The following PTPRG variants were observed in gnomAD, a reference collection of about 807,000 sequenced individuals.
PTPRG encodes the protein receptor-type tyrosine-protein phosphatase gamma.
In PTPRG, 102 loss-of-function variants were observed where a neutral mutation model predicts 165.3. The observed-to-expected ratio is 0.62, with a 90% CI of 0.53 to 0.73. The LOEUF (loss-of-function observed/expected upper bound fraction) is 0.73. PTPRG is among the 30% of genes least tolerant of loss of function. The probability of loss-of-function intolerance (pLI) is 0.00; values close to 1 mark genes in which losing one functional copy is unlikely to be tolerated. For missense variants in PTPRG, 1,866 were observed against 1,861.4 expected, an observed-to-expected ratio of 1.00 and a Z score of -0.05; for synonymous variants, 675 against 669.5, an observed-to-expected ratio of 1.01 and a Z score of -0.13.
chr3:61,981,028 A>G (rs1294626359), intron 2 of PTPRG, among the ~76,000 whole-genome samples: 3 of 152,230 alleles, frequency 2.0e-5, no homozygotes, highest in Admixed American at 2.0e-4. Context: ...GGTAATTTAT[A>G]AAGAAAAGAG....
At chr3:61,689,391 A>G (rs1340093873) in intron 1 of PTPRG, among the ~76,000 whole-genome samples, 2 of 152,218 alleles carry the variant, frequency 1.3e-5, no homozygotes, top group African/African-American at 4.8e-5. Context: ...CTGGATGCAT[A>G]TTTATGATTG....
chr3:62,102,715 A>G (rs887039380), intron 5 of PTPRG, among the ~76,000 whole-genome samples: 1 of 152,154 alleles, frequency 6.6e-6, no homozygotes, highest in Non-Finnish European at 1.5e-5. Context: ...TGACCCCTGG[A>G]GAGGTCTGAG....
intron 2 of PTPRG, among the ~76,000 whole-genome samples, chr3:61,924,618 C>G (rs1447328980): frequency 6.6e-6 from 1 of 152,138 alleles, no homozygotes; most frequent in Non-Finnish European, 1.5e-5. Flanking sequence ...ATTGCTCCTG[C>G]TGAAAATACT....
intron 7 of PTPRG, among the ~76,000 whole-genome samples, chr3:62,163,595 G>A (rs930489642): frequency 6.6e-6 from 1 of 152,164 alleles, no homozygotes; most frequent in African/African-American, 2.4e-5. Flanking sequence ...AATATAAGGG[G>A]GATAAGGAAG....
chr3:61,786,639 T>C (rs2034713215), intron 2 of PTPRG, among the ~76,000 whole-genome samples: 1 of 152,156 alleles, frequency 6.6e-6, no homozygotes, highest in Non-Finnish European at 1.5e-5. Flanking sequence ...GGCAGGAGTA[T>C]TATTTTTGGA....
intron 1 of PTPRG, among the ~76,000 whole-genome samples, chr3:61,573,266 G>A (rs771237750): frequency 2.6e-5 from 4 of 152,242 alleles, no homozygotes; most frequent in Admixed American, 6.5e-5. Context: ...GGGGACAAGG[G>A]GGGGAAAGCC....
chr3:61,738,279 CATATAT>C (rs1169177844), intron 1 of PTPRG, among the ~76,000 whole-genome samples: 10 of 15,498 alleles, frequency 6.5e-4, no homozygotes, highest in South Asian at 5.9e-3. Context: ...TATATATATA[CATATAT>C]ATATATATAT....
chr3:61,734,564 A>G (rs2032644986), intron 1 of PTPRG, among the ~76,000 whole-genome samples: 1 of 152,156 alleles, frequency 6.6e-6, no homozygotes, highest in African/African-American at 2.4e-5. Flanking sequence ...CGGTTGTCCC[A>G]ATTTGTTCCA....
At chr3:61,846,314 A>G (rs748815333) in intron 2 of PTPRG, among the ~76,000 whole-genome samples, 5 of 152,180 alleles carry the variant, frequency 3.3e-5, no homozygotes, top group Non-Finnish European at 7.4e-5. Context: ...TTGTCTTCCT[A>G]TAAGAAGCAG....
At chr3:62,132,517 C>A in intron 5 of PTPRG, 85 bp from the exon 6 acceptor site, 1 of 1,067,284 alleles carries the variant, frequency 9.4e-7, no homozygotes, top group Non-Finnish European at 1.5e-6. Flanking sequence ...ATTCTATTCT[C>A]CCCCTTCTCT....
At chr3:61,728,874 C>CA (rs3032404) in intron 1 of PTPRG, among the ~76,000 whole-genome samples, 2,362 of 102,880 alleles carry the variant, frequency 0.023, 29 homozygotes, top group African/African-American at 0.052. Context: ...TAATCTGTAC[C>CA]AAAAAAAAAA....
chr3:62,215,290 G>T (rs900359149), intron 12 of PTPRG, among the ~76,000 whole-genome samples: 13 of 152,292 alleles, frequency 8.5e-5, no homozygotes, highest in African/African-American at 3.1e-4. Flanking sequence ...TTGTGAATTT[G>T]AAAATGAAAT....
At chr3:62,094,677 C>G (rs74956199) in intron 5 of PTPRG, among the ~76,000 whole-genome samples, 3,720 of 152,322 alleles carry the variant, frequency 0.024, 147 homozygotes, top group African/African-American at 0.084. Context: ...GTACCCAGAG[C>G]CAGTTCTCTT....
intron 3 of PTPRG, among the ~76,000 whole-genome samples, chr3:62,000,626 T>A (rs1274704163): frequency 6.6e-6 from 1 of 152,044 alleles, no homozygotes. Flanking sequence ...TCAAAAAAAG[T>A]AAAATAAAAG....
chr3:62,233,375 G>C lies in PTPRG; in HGVS notation c.2375+2064G>C, dbSNP rs371954488. The stretch of plus-strand genomic sequence containing the variant: ...CTCCTTCCCCATGCTCTCTCCCCAG[G>C]CACTTTTGCTGCCTCCTTTCCTGAC... On this transcript the variant is annotated intron_variant, in intron 14 of 29. Coordinates refer to ENST00000474889, the MANE Select transcript of PTPRG (RefSeq NM_002841.4). This position sits in a 1 kb window ranked among gnomAD's most constrained non-coding sequence, Gnocchi z 4.7. Among the ~76,000 whole-genome samples, 1 of 152,020 alleles carries C rather than the reference G, an allele frequency of 6.6e-6. No homozygotes were observed. The highest frequency in any genetic ancestry group is 1.5e-5 in the Non-Finnish European group (1 of 67,982).
chr3:61,783,657 G>A (rs889042466), intron 2 of PTPRG, among the ~76,000 whole-genome samples: 2 of 152,228 alleles, frequency 1.3e-5, no homozygotes, highest in Admixed American at 1.3e-4. Context: ...GGAGTGGGGA[G>A]CTGGCAGCAG....
chr3:62,190,564 A>G lies in PTPRG; in HGVS notation c.1034-905A>G, dbSNP rs576481538. 1.5e-4 allele frequency among the ~76,000 whole-genome samples: 23 copies of G among 152,282 alleles called. No individual in the cohort carries two copies. In the South Asian group the frequency reaches 4.6e-3, roughly 30 times the overall value. ...CCTCTCAGCCCCAAGGAATAAGAAGATGAATGAGCCTGACTTTTCCTTACA... is the reference window on the plus strand; with the variant it reads ...CCTCTCAGCCCCAAGGAATAAGAAGGTGAATGAGCCTGACTTTTCCTTACA... On this transcript the variant is annotated intron_variant, in intron 8 of 29. Transcript: ENST00000474889. This position sits in a 1 kb window ranked among gnomAD's most constrained non-coding sequence, Gnocchi z 5.2.
intron 2 of PTPRG, among the ~76,000 whole-genome samples, chr3:61,954,864 G>A (rs1040478695): frequency 2.0e-5 from 3 of 152,226 alleles, no homozygotes; most frequent in Non-Finnish European, 4.4e-5. Context: ...GAAAGGACAA[G>A]CTTGAAGACA....
Position 61,600,242 on chromosome 3 carries a change from A to T in PTPRG, c.85+37870A>T, listed in dbSNP as rs1278379001. Among the ~76,000 whole-genome samples, 7 of 148,266 alleles carry T rather than the reference A, an allele frequency of 4.7e-5. No individual in the cohort carries two copies. The Admixed American group carries it at 4.8e-4, about 10-fold the overall frequency. On this transcript the variant is annotated intron_variant, in intron 1 of 29. Coordinates refer to ENST00000474889, the MANE Select transcript of PTPRG (RefSeq NM_002841.4). ...TAAAATAGAATGAACTTTATAGACA[A>T]GCAGGCACACTTTAGAATCTTCTAC... is the stretch of plus-strand genomic sequence containing the variant.
Sources: gnomAD v4.1 joint callset for allele counts (sites outside exome capture counted in the v4.1 genomes callset) on GRCh38, gnomAD v4.1.1 for gene constraint, Gnocchi (gnomAD v3.1) non-coding constraint, MANE v1.5 for transcripts, NCBI Gene and HGNC (gene_info 2026-07-23, HGNC 2026-07-21) for gene names.